The following ZNF804A variants were observed in gnomAD, a reference collection of about 807,000 sequenced individuals.
ZNF804A encodes the protein zinc finger protein 804A.
ZNF804A carries 2 observed loss-of-function variants against 16.5 expected under a neutral mutation model. The observed-to-expected ratio is 0.12, with a 90% CI of 0.05 to 0.38. The LOEUF is 0.38. Among genes scored for constraint, ZNF804A ranks in the 10% least tolerant of loss-of-function variants. The probability of loss-of-function intolerance (pLI) is 0.99; values close to 1 mark genes in which losing one functional copy is unlikely to be tolerated. For missense variants in ZNF804A, 1,473 were observed against 1,390.7 expected, an observed-to-expected ratio of 1.06 and a Z score of -0.94; for synonymous variants, 534 against 489.6, an observed-to-expected ratio of 1.09 and a Z score of -1.20.
At chr2:184,831,774 C>T (rs2105795966) in intron 1 of ZNF804A, among the ~76,000 whole-genome samples, 1 of 151,594 alleles carries the variant, frequency 6.6e-6, no homozygotes, top group Admixed American at 6.6e-5. Context: ...CAAAAAACCA[C>T]TGAATGGAAT....
chr2:184,918,814 G>A (rs576457821), intron 2 of ZNF804A, among the ~76,000 whole-genome samples: 4 of 152,118 alleles, frequency 2.6e-5, no homozygotes, highest in South Asian at 2.1e-4. Flanking sequence ...AGTAGGGGAG[G>A]GGTATATATA....
intron 1 of ZNF804A, among the ~76,000 whole-genome samples, chr2:184,812,737 T>A (rs185844467): frequency 9.5e-4 from 144 of 152,228 alleles, no homozygotes; most frequent in Middle Eastern, 3.4e-3. Flanking sequence ...TGAACAAAAG[T>A]AAGAAGATTG....
chr2:184,896,534 C>G (rs1269476170), intron 2 of ZNF804A, among the ~76,000 whole-genome samples: 1 of 152,014 alleles, frequency 6.6e-6, no homozygotes, highest in African/African-American at 2.4e-5. Flanking sequence ...TAGCAAATAC[C>G]ATTAGCCTGA....
intron 1 of ZNF804A, among the ~76,000 whole-genome samples, chr2:184,808,005 A>T (rs1694838129): frequency 6.6e-6 from 1 of 151,618 alleles, no homozygotes; most frequent in African/African-American, 2.4e-5. Context: ...TTTATATTTT[A>T]AAAATGTGTT....
intron 1 of ZNF804A, among the ~76,000 whole-genome samples, chr2:184,751,300 T>C (rs919224504): frequency 1.3e-5 from 2 of 151,380 alleles, no homozygotes; most frequent in African/African-American, 4.8e-5. Context: ...AAAAATGGTG[T>C]TGAGAAAACT....
At chr2:184,626,798 A>AT (rs1318307665) in intron 1 of ZNF804A, among the ~76,000 whole-genome samples, 5 of 152,122 alleles carry the variant, frequency 3.3e-5, no homozygotes, top group African/African-American at 4.8e-5. Context: ...CAACATGTTA[A>AT]TTTTTTCTTC....
intron 1 of ZNF804A, among the ~76,000 whole-genome samples, chr2:184,701,714 A>G (rs957220922): frequency 6.6e-6 from 1 of 152,104 alleles, no homozygotes; most frequent in African/African-American, 2.4e-5. Flanking sequence ...ATATGAAGGC[A>G]AATTAAATGC....
chr2:184,797,550 G>C (rs113565385), intron 1 of ZNF804A, among the ~76,000 whole-genome samples: 1 of 152,144 alleles, frequency 6.6e-6, no homozygotes, highest in South Asian at 2.1e-4. Flanking sequence ...GCAGCAGATA[G>C]TTGGTTTGTG....
At chr2:184,599,847 G>A (rs921962157) in intron 1 of ZNF804A, among the ~76,000 whole-genome samples, 1 of 152,176 alleles carries the variant, frequency 6.6e-6, no homozygotes, top group African/African-American at 2.4e-5. Context: ...GATAGTGCAG[G>A]ATGATTGCTC....
intron 1 of ZNF804A, among the ~76,000 whole-genome samples, chr2:184,683,485 G>A (rs1042141959): frequency 6.6e-6 from 1 of 152,116 alleles, no homozygotes; most frequent in Non-Finnish European, 1.5e-5. Context: ...TGCTTCCATG[G>A]TAATACTTTC....
intron 1 of ZNF804A, among the ~76,000 whole-genome samples, chr2:184,803,602 T>A (rs189554254): frequency 3.9e-5 from 6 of 152,296 alleles, no homozygotes; most frequent in Admixed American, 6.5e-5. Context: ...AAAGAAACAT[T>A]TATTTACAGA....
rs573744225 is a variant in ZNF804A at position 184,734,238 on chromosome 2, A to G, written c.112-132131A>G. Among the ~76,000 whole-genome samples, 41 of 151,376 alleles carry G rather than the reference A, an allele frequency of 2.7e-4. No homozygotes were observed. The South Asian group carries it at 8.4e-3, about 31-fold the overall frequency. ...ATATTCCAGCATTTCCTATTTTTCT[A>G]TTTTCCTAAGGTGGAAGCTTAGATT... On this transcript the variant is annotated intron_variant, in intron 1 of 3. Transcript: ENST00000302277.
chr2:184,651,983 C>T (rs1691991280), intron 1 of ZNF804A, among the ~76,000 whole-genome samples: 1 of 152,082 alleles, frequency 6.6e-6, no homozygotes, highest in South Asian at 2.1e-4. Flanking sequence ...AAGACACATG[C>T]ACTCATATTT....
chr2:184,625,470 A>G (rs942421618), intron 1 of ZNF804A, among the ~76,000 whole-genome samples: 2 of 152,132 alleles, frequency 1.3e-5, no homozygotes, highest in Non-Finnish European at 2.9e-5. Flanking sequence ...TAATCTAGAT[A>G]AATGACTTAG....
chr2:184,820,115 C>T (rs187743279), intron 1 of ZNF804A, among the ~76,000 whole-genome samples: 1 of 151,802 alleles, frequency 6.6e-6, no homozygotes, highest in African/African-American at 2.4e-5. Context: ...ATACAACAAA[C>T]AAAGGAAACT....
intron 1 of ZNF804A, among the ~76,000 whole-genome samples, chr2:184,796,510 C>G (rs1343843368): frequency 6.6e-6 from 1 of 152,064 alleles, no homozygotes; most frequent in South Asian, 2.1e-4. Flanking sequence ...AGTTTATGTG[C>G]ATAAAAGTGT....
chr2:184,810,576 C>T (rs1694883051), intron 1 of ZNF804A, among the ~76,000 whole-genome samples: 1 of 150,294 alleles, frequency 6.7e-6, no homozygotes, highest in Non-Finnish European at 1.5e-5. Flanking sequence ...CTGCAGGCTC[C>T]GCCTCCCAGG....
chr2:184,652,415 T>A (rs993638937), intron 1 of ZNF804A, among the ~76,000 whole-genome samples: 2 of 151,904 alleles, frequency 1.3e-5, no homozygotes, highest in African/African-American at 4.8e-5. Flanking sequence ...TTCTCATGTA[T>A]CTCCTGAATC....
chr2:184,749,118 G>A (rs1480948703), intron 1 of ZNF804A, among the ~76,000 whole-genome samples: 1 of 151,138 alleles, frequency 6.6e-6, no homozygotes, highest in Non-Finnish European at 1.5e-5. Context: ...TTCTAATTTT[G>A]TGAGGAATTA....
Sources: allele counts gnomAD v4.1 joint callset (sites outside exome capture counted in the v4.1 genomes callset), GRCh38; gene constraint gnomAD v4.1.1; transcripts MANE v1.5; gene names NCBI Gene and HGNC (gene_info 2026-07-23, HGNC 2026-07-21).